Variants in GCFC2 observed in about 807,000 individuals in gnomAD.
The protein encoded by GCFC2 is intron Large complex component GCFC2.
In GCFC2, 102 loss-of-function variants were observed where a neutral mutation model predicts 99.4. That is an observed-to-expected ratio of 1.03 (90% confidence interval 0.87 to 1.21). GCFC2 has a LOEUF of 1.21. Ranked by LOEUF, GCFC2 falls within the 50% of genes most tolerant of loss-of-function variation. GCFC2 has a pLI of 0.00. For synonymous variants in GCFC2, 338 were observed against 316.8 expected, an observed-to-expected ratio of 1.07 and a Z score of -0.71; for missense variants, 973 against 920.9, an observed-to-expected ratio of 1.06 and a Z score of -0.73.
intron 2 of GCFC2, among the ~76,000 whole-genome samples, chr2:75,705,930 G>A (rs931963191): frequency 7.9e-5 from 12 of 152,186 alleles, no homozygotes; most frequent in African/African-American, 2.7e-4. Context: ...GTAACTGAAA[G>A]ACTGTGATTG....
chr2:75,711,144 C>T (rs1195624068), upstream of GCFC2: 4 of 985,132 alleles, frequency 4.1e-6, no homozygotes, highest in Admixed American at 6.2e-5. Flanking sequence ...GGTCTGAGTC[C>T]CACGGAGAGC....
intron 15 of GCFC2, among the ~76,000 whole-genome samples, chr2:75,669,431 C>A (rs1678987308): frequency 6.6e-6 from 1 of 152,110 alleles, no homozygotes; most frequent in Non-Finnish European, 1.5e-5. Flanking sequence ...AAATTTATTA[C>A]TTTTTCTCAT....
At chr2:75,694,465 C>G in intron 5 of GCFC2, 38 bp from the exon 6 acceptor site, 1 of 828,536 alleles carries the variant, frequency 1.2e-6, no homozygotes, top group Non-Finnish European at 1.8e-6. Flanking sequence ...ATTTTTCATA[C>G]TCTTTTAAAA....
chr2:75,702,472 T>C (rs1680649773), intron 2 of GCFC2, 49 bp from the exon 3 acceptor site: 4 of 1,426,914 alleles, frequency 2.8e-6, no homozygotes, highest in Admixed American at 2.2e-5. Flanking sequence ...CCAATGTAAG[T>C]AAATATTCCT....
rs1207129849 is a variant in GCFC2 at position 75,690,023 on chromosome 2, A to T, written c.1285T>A (p.Ser429Thr). The change falls in exon 9 of 17, where the codon TCT becomes ACT. Residue 429 changes from serine (S) to threonine (T), a missense_variant. Transcript: ENST00000321027. ...SGNCNHQEGT[S>T]SDDELPSAEM... ...GCTGAAGGCAGTTCATCATCACTAG[A>T]TGTTCCTTCCTGATGGTTACAATTC... 1.2e-6 allele frequency: 2 copies of T among 1,610,536 alleles called. No individual in the cohort carries two copies. The highest frequency in any genetic ancestry group is 4.5e-5 in the East Asian group (2 of 44,722).
At chr2:75,686,652 T>A (rs939310775) in intron 11 of GCFC2, among the ~76,000 whole-genome samples, 25 of 152,178 alleles carry the variant, frequency 1.6e-4, no homozygotes, top group Admixed American at 1.0e-3. Context: ...GCTGAGGCAG[T>A]AGGATCACTT....
chr2:75,697,738 C>T (rs762721193), intron 4 of GCFC2: 12 of 152,238 alleles, frequency 7.9e-5, no homozygotes, highest in East Asian at 1.9e-4. Context: ...TGGATTATCC[C>T]GATGGGGTCT....
In GCFC2 at chr2:75,701,271, T is replaced by G; in HGVS notation, c.636A>C (p.Glu212Asp). ...CATCTTCCTGACTTTCTTCACTTGT[T>G]TCTTCATTTCTGCTTACTAGCGGAA... is the stretch of plus-strand genomic sequence containing the variant. ...MAEESISRNE[E>D]TSEESQEDEK... The change falls in exon 4 of 17, where the codon GAA becomes GAC. Residue 212 changes from glutamate to aspartate, a missense_variant. By Grantham distance (45) the Glu-to-Asp change is conservative. Transcript: ENST00000321027. 2 of 1,601,386 alleles carry G rather than the reference T, an allele frequency of 1.2e-6. No homozygotes were observed. The highest frequency in any genetic ancestry group is 4.5e-5 in the East Asian group (2 of 44,822).
chr2:75,673,175 T>C (rs969166912), intron 13 of GCFC2, among the ~76,000 whole-genome samples: 3 of 152,048 alleles, frequency 2.0e-5, no homozygotes, highest in African/African-American at 2.4e-5. Context: ...CCGGGCGTGG[T>C]GGCGGGCGCC....
At chr2:75,667,705 C>T (rs189853776) in intron 15 of GCFC2, among the ~76,000 whole-genome samples, 66 of 152,236 alleles carry the variant, frequency 4.3e-4, no homozygotes, top group Admixed American at 1.0e-3. Context: ...GTAGCTTTTG[C>T]GTTAATGATC....
intron 1 of GCFC2, among the ~76,000 whole-genome samples, chr2:75,707,027 G>A (rs529651589): frequency 6.6e-6 from 1 of 152,296 alleles, no homozygotes; most frequent in Admixed American, 6.5e-5. Flanking sequence ...ACTGAAACCT[G>A]TTTTACATGA....
At position 75,666,001 on chromosome 2, in the gene GCFC2, G is replaced by C; in HGVS notation, c.2156C>G (p.Ser719Cys). Residue 719 changes from serine (S) to cysteine (C), a missense_variant, in exon 16 of 17, where the codon TCT (serine) becomes TGT (cysteine). By Grantham distance (112) the Ser-to-Cys change is moderately radical. Transcript: ENST00000321027. ...KWFENSAMRT[S>C]IPQLENFIQF... is the part of the protein sequence containing the mutation. Reference sequence around the variant, plus strand: ...AATGAAGTTTTCTAGCTGTGGAATAGATGTCCTCATGGCAGAATTTTCAAA... The same window carrying C: ...AATGAAGTTTTCTAGCTGTGGAATACATGTCCTCATGGCAGAATTTTCAAA... 6.2e-7 allele frequency: 1 copy of C among 1,602,860 alleles called. No individual in the cohort carries two copies. The highest frequency in any genetic ancestry group is 1.1e-5 in the South Asian group (1 of 90,628).
In GCFC2 at chr2:75,690,387, G is replaced by GTA. The variant is rs1680012927; in HGVS notation, c.1226+250_1226+251insTA. The GTA allele has an allele frequency of 1.4e-5, 7 of 502,758 alleles. No individual in the cohort carries two copies. The South Asian group carries it at 1.6e-4, about 12-fold the overall frequency. The allele number at this position is 502,758 out of a possible 1,614,324, so 31.1% of individuals were successfully genotyped here. A position where few individuals can be genotyped will look rare whatever the true frequency, so the allele number is the denominator to read the frequency against. ...AGAGGGGGTAATTATAATTAGGACCGGTTTCTAGTTACAAGGAATTCCCAG... is the reference window on the plus strand; with the variant it reads ...AGAGGGGGTAATTATAATTAGGACCGTAGTTTCTAGTTACAAGGAATTCCCAG... On this transcript the variant is annotated intron_variant, in intron 8 of 16. Coordinates refer to ENST00000321027, the MANE Select transcript of GCFC2 (RefSeq NM_003203.5).
intron 5 of GCFC2, among the ~76,000 whole-genome samples, chr2:75,695,395 T>A (rs2104370141): frequency 6.6e-6 from 1 of 152,288 alleles, no homozygotes; most frequent in South Asian, 2.1e-4. Context: ...TTAATTATGA[T>A]ATAACAACTA....
At chr2:75,670,499 TC>T (rs1679050229) in intron 14 of GCFC2, 4 of 389,302 alleles carry the variant, frequency 1.0e-5, no homozygotes, top group South Asian at 3.6e-5. Context: ...AGGATAACCA[TC>T]CCCAAATCTA....
intron 15 of GCFC2, 65 bp from the exon 16 acceptor site, chr2:75,666,118 C>G: frequency 7.9e-7 from 1 of 1,262,898 alleles, no homozygotes; most frequent in South Asian, 1.4e-5. Context: ...CTAATATAAT[C>G]TCATAGTGAT....
chr2:75,712,573 C>G (rs538720407), upstream of GCFC2, among the ~76,000 whole-genome samples: 2 of 152,156 alleles, frequency 1.3e-5, no homozygotes, highest in Non-Finnish European at 2.9e-5. Flanking sequence ...TGGCAACCCG[C>G]TCCGGTCCCC....
chr2:75,710,829 A>G lies in GCFC2; in HGVS notation c.27T>C (p.Phe9=). MAHRPKRT[F]RQRAADSSDS... is the part of the protein sequence containing the mutation. Reference sequence around the variant, plus strand: ...CGCTGGAATCAGCCGCGCGCTGCCGAAAAGTCCTTTTCGGCCTGTGAGCCA... The same window carrying G: ...CGCTGGAATCAGCCGCGCGCTGCCGGAAAGTCCTTTTCGGCCTGTGAGCCA... The change falls in exon 1 of 17, where the codon TTT becomes TTC. Residue 9 remains phenylalanine (F), a synonymous_variant. Coordinates refer to ENST00000321027, the MANE Select transcript of GCFC2 (RefSeq NM_003203.5). The G allele has an allele frequency of 6.3e-7, 1 of 1,578,832 alleles. No individual in the cohort carries two copies. Among genetic ancestry groups the G allele is most frequent in the South Asian group, 1.1e-5 (1 of 87,594 alleles).
At position 75,663,883 on chromosome 2, in the gene GCFC2, TAAAAG is replaced by T. The variant is rs1451307317; in HGVS notation, c.*778_*782del. The T allele has an allele frequency of 1.5e-5, 2 of 134,052 alleles. No homozygotes were observed. Among genetic ancestry groups the T allele is most frequent in the Non-Finnish European group, 3.0e-5 (2 of 66,708 alleles). 8.3% of individuals were successfully genotyped at this position (134,052 alleles called of 1,614,324 possible). On this transcript the variant is annotated 3_prime_UTR_variant, in exon 17 of 17. Transcript: ENST00000321027. ...TCAAAAAATACAATTAAAAAAAAAA[TAAAAG>T]AAAAATGGCAAATAAGGAAAACTTC...
Sources: allele counts gnomAD v4.1 joint callset (sites outside exome capture counted in the v4.1 genomes callset), GRCh38; gene constraint gnomAD v4.1.1; transcripts MANE v1.5; gene names NCBI Gene and HGNC (gene_info 2026-07-23, HGNC 2026-07-21).